The following PDE8A variants were observed in gnomAD, a reference collection of about 807,000 sequenced individuals.
The protein encoded by PDE8A is phosphodiesterase 8A, also known as high affinity cAMP-specific and IBMX-insensitive 3',5'-cyclic phosphodiesterase 8A.
In PDE8A, 59 loss-of-function variants were observed where a neutral mutation model predicts 105.0. The observed-to-expected ratio is 0.56, with a 90% CI of 0.46 to 0.70. The LOEUF is 0.70. Among genes scored for constraint, PDE8A ranks in the 30% least tolerant of loss-of-function variants. The pLI is 0.00. For missense variants in PDE8A, 1,014 were observed against 1,045.9 expected, an observed-to-expected ratio of 0.97 and a Z score of 0.42; for synonymous variants, 355 against 371.9, an observed-to-expected ratio of 0.95 and a Z score of 0.52.
At chr15:85,052,093 A>G (rs560961781) in intron 1 of PDE8A, among the ~76,000 whole-genome samples, 68 of 151,940 alleles carry the variant, frequency 4.5e-4, no homozygotes, top group African/African-American at 1.6e-3. Context: ...TGTCCTTGCA[A>G]TAGTTTGCTC....
chr15:85,003,327 T>A (rs1486939976), intron 1 of PDE8A, among the ~76,000 whole-genome samples: 1 of 152,218 alleles, frequency 6.6e-6, no homozygotes, highest in African/African-American at 2.4e-5. Flanking sequence ...TCACATTTTA[T>A]AACTTCATCA....
intron 1 of PDE8A, among the ~76,000 whole-genome samples, chr15:85,021,395 T>C (rs1008619504): frequency 6.6e-6 from 1 of 152,024 alleles, no homozygotes; most frequent in Non-Finnish European, 1.5e-5. Flanking sequence ...ATTAAAAATT[T>C]AGCTGGGCAT....
In PDE8A at chr15:85,113,851, G is replaced by A. The variant is rs758605477; in HGVS notation, c.1186-22G>A. ...CTGTTTTTAAGGTTATGAAACTCAA[G>A]TATTTTCTTTCCATAATGTAGGTAA... On this transcript the variant is annotated intron_variant, in intron 13 of 21. Coordinates refer to ENST00000394553, the MANE Select transcript of PDE8A (RefSeq NM_002605.3). 16 of 1,589,456 alleles carry A rather than the reference G, an allele frequency of 1.0e-5. No homozygotes were observed. The East Asian group carries it at 2.5e-4, about 24-fold the overall frequency.
intron 11 of PDE8A, among the ~76,000 whole-genome samples, chr15:85,106,487 G>A (rs1480812349): frequency 6.6e-6 from 1 of 150,784 alleles, no homozygotes; most frequent in Non-Finnish European, 1.5e-5. Flanking sequence ...ATAAAAGAGA[G>A]AAGAATGAAG....
intron 1 of PDE8A, among the ~76,000 whole-genome samples, chr15:84,993,873 G>A (rs915598880): frequency 7.9e-5 from 12 of 152,214 alleles, no homozygotes; most frequent in Non-Finnish European, 1.5e-4. Context: ...GGGTGACAGA[G>A]TGAGACCCTG....
chr15:85,038,072 T>C (rs1290816251), intron 1 of PDE8A, among the ~76,000 whole-genome samples: 1 of 152,222 alleles, frequency 6.6e-6, no homozygotes, highest in African/African-American at 2.4e-5. Flanking sequence ...TGACATACAT[T>C]TTAATAAAAT....
intron 1 of PDE8A, among the ~76,000 whole-genome samples, chr15:84,997,614 C>CA (rs2080000766): frequency 6.6e-6 from 1 of 150,824 alleles, no homozygotes; most frequent in Non-Finnish European, 1.5e-5. Context: ...TTTTTTGAGA[C>CA]AGAGTTTTGC....
In PDE8A at chr15:85,081,717, T is replaced by C. The variant is rs114555834; in HGVS notation, c.547-1839T>C. On this transcript the variant is annotated intron_variant, in intron 5 of 21. Transcript: ENST00000394553. ...CAAGGGGCAGGAAAGATGAGATGTT[T>C]AGATAAAGAGAACAGTGTTTAAACA... Among the ~76,000 whole-genome samples, 1,211 of 152,190 alleles carry C rather than the reference T, an allele frequency of 8.0e-3. 20 individuals carry two copies. The highest frequency in any genetic ancestry group is 0.027 in the African/African-American group (1,141 of 41,514).
intron 20 of PDE8A, among the ~76,000 whole-genome samples, chr15:85,127,457 GGATTT>G (rs2082273884): frequency 6.6e-6 from 1 of 152,050 alleles, no homozygotes. Context: ...ACTAATAAGT[GGATTT>G]GATTTACCAA....
At chr15:85,076,618 A>T in intron 4 of PDE8A, 115 bp from the exon 5 acceptor site, 1 of 702,648 alleles carries the variant, frequency 1.4e-6, no homozygotes, top group South Asian at 1.7e-5. Context: ...TATTAATCTG[A>T]TTCATCTAAA....
chr15:85,096,400 A>G (rs1404071420), intron 8 of PDE8A, among the ~76,000 whole-genome samples: 2 of 152,158 alleles, frequency 1.3e-5, no homozygotes, highest in African/African-American at 4.8e-5. Context: ...TTGAGGCTGC[A>G]ACAAGCCATG....
intron 1 of PDE8A, among the ~76,000 whole-genome samples, chr15:85,030,357 C>T (rs2080594002): frequency 6.6e-6 from 1 of 151,952 alleles, no homozygotes; most frequent in African/African-American, 2.4e-5. Flanking sequence ...GCCACAGCCT[C>T]TTTGTCTCCC....
rs1015682361 is a variant in PDE8A at position 85,021,512 on chromosome 15, C to T, written c.186+39164C>T. 4.7e-4 allele frequency among the ~76,000 whole-genome samples: 71 copies of T among 152,036 alleles called. 1 individual carries two copies. Among genetic ancestry groups the T allele is most frequent in the African/African-American group, 1.6e-3 (65 of 41,456 alleles). On this transcript the variant is annotated intron_variant, in intron 1 of 21. Coordinates refer to ENST00000394553, the MANE Select transcript of PDE8A (RefSeq NM_002605.3). ...ATTCAAGGATGCAGTGAGCTATGAT[C>T]GTGCCACTGCACTCCAGCCTAGGCA...
intron 3 of PDE8A, among the ~76,000 whole-genome samples, chr15:85,073,069 A>G (rs1304139720): frequency 6.6e-6 from 1 of 152,100 alleles, no homozygotes; most frequent in Non-Finnish European, 1.5e-5. Flanking sequence ...TGCCATGATC[A>G]CACCACTACA....
intron 1 of PDE8A, among the ~76,000 whole-genome samples, chr15:84,992,984 G>A (rs535705886): frequency 1.3e-5 from 2 of 152,162 alleles, no homozygotes; most frequent in Admixed American, 6.5e-5. Context: ...ACAGAAACAG[G>A]TTCACTGTAA....
chr15:85,095,912 T>G (rs1239069751), intron 8 of PDE8A, among the ~76,000 whole-genome samples: 1 of 151,138 alleles, frequency 6.6e-6, no homozygotes. Context: ...TTGTTTTTGT[T>G]TTTTGAGACG....
At chr15:85,025,697 G>T (rs289400) in intron 1 of PDE8A, among the ~76,000 whole-genome samples, 104,771 of 152,100 alleles carry the variant, frequency 0.69, 36,541 homozygotes, top group Non-Finnish European at 0.75. Context: ...TGACAGTGTT[G>T]AAGTGGATAG....
chr15:85,066,579 C>T (rs958351367), intron 2 of PDE8A, among the ~76,000 whole-genome samples: 2 of 138,844 alleles, frequency 1.4e-5, no homozygotes, highest in Admixed American at 1.5e-4. Context: ...CACCATCCCC[C>T]CAAAACACAC....
At chr15:85,060,212 T>G (rs1374274168) in intron 1 of PDE8A, among the ~76,000 whole-genome samples, 4 of 152,204 alleles carry the variant, frequency 2.6e-5, no homozygotes, top group African/African-American at 9.6e-5. Flanking sequence ...TTCTTTATGG[T>G]TAGCATGGGG....
Sources: gnomAD v4.1 joint callset for allele counts (sites outside exome capture counted in the v4.1 genomes callset) on GRCh38, gnomAD v4.1.1 for gene constraint, MANE v1.5 for transcripts, NCBI Gene and HGNC (gene_info 2026-07-23, HGNC 2026-07-21) for gene names.